CDH4: variants seen among roughly 807,000 people sequenced by gnomAD.
The protein encoded by CDH4 is cadherin 4.
In CDH4, 33 loss-of-function variants were observed where a neutral mutation model predicts 86.0. The ratio of observed to expected loss-of-function variants is 0.38; its 90% CI spans 0.29 to 0.51. CDH4 has a LOEUF of 0.51. Among genes scored for constraint, CDH4 ranks in the 20% least tolerant of loss-of-function variants. The pLI is 0.86. For synonymous variants in CDH4, 555 were observed against 549.4 expected, an observed-to-expected ratio of 1.01 and a Z score of -0.14; for missense variants, 1,114 against 1,307.4, an observed-to-expected ratio of 0.85 and a Z score of 2.28.
rs149213341 is a variant in CDH4, at chr20:61,518,983, T to TCACCCATCCATTCATCCTTC, written c.170-224578_170-224577insCCCATCCATTCATCCTTCCA. Among the ~76,000 whole-genome samples the TCACCCATCCATTCATCCTTC allele has an allele frequency of 0.073, 11,123 of 152,132 alleles. 487 individuals carry two copies. The highest frequency in any genetic ancestry group is 0.099 in the Non-Finnish European group (6,747 of 68,004). On this transcript the variant is annotated intron_variant, in intron 2 of 15. Transcript: ENST00000614565. The surrounding 1 kb of genome is among the most constrained non-coding windows in gnomAD (Gnocchi z 6.3). ...CATTATTTATCCATCCATCCATCCT[T>TCACCCATCCATTCATCCTTC]CATCCATCCATTCATCCATGCATTC...
intron 3 of CDH4, among the ~76,000 whole-genome samples, chr20:61,753,296 C>T (rs1387514595): frequency 6.6e-6 from 1 of 152,166 alleles, no homozygotes; most frequent in Non-Finnish European, 1.5e-5. Context: ...CAAGTGCCGC[C>T]TCCTCTGTCC....
At chr20:61,295,467 T>C (rs2123192059) in intron 2 of CDH4, among the ~76,000 whole-genome samples, 1 of 152,342 alleles carries the variant, frequency 6.6e-6, no homozygotes, top group South Asian at 2.1e-4. Context: ...GATGCAGTTG[T>C]GGATGTACAC....
intron 2 of CDH4, among the ~76,000 whole-genome samples, chr20:61,598,138 G>A (rs6061659): frequency 0.012 from 1,803 of 152,196 alleles, 23 homozygotes; most frequent in African/African-American, 0.031. Context: ...GTGACCCGCC[G>A]GGGACTTGCC....
intron 3 of CDH4, among the ~76,000 whole-genome samples, chr20:61,767,853 G>T (rs1281266221): frequency 6.6e-6 from 1 of 152,178 alleles, no homozygotes; most frequent in Non-Finnish European, 1.5e-5. Flanking sequence ...CACAGCCCAG[G>T]TCTCATCCTG....
At chr20:61,577,153 G>A (rs1005889526) in intron 2 of CDH4, among the ~76,000 whole-genome samples, 4 of 152,086 alleles carry the variant, frequency 2.6e-5, no homozygotes, top group African/African-American at 9.7e-5. Flanking sequence ...ATGAGTGGAT[G>A]TTTTGTGTGT....
At chr20:61,379,876 C>G (rs935871768) in intron 2 of CDH4, among the ~76,000 whole-genome samples, 1 of 152,206 alleles carries the variant, frequency 6.6e-6, no homozygotes, top group South Asian at 2.1e-4. Context: ...AAATAGGTAG[C>G]ATTGCTTAGA....
intron 7 of CDH4, among the ~76,000 whole-genome samples, chr20:61,882,653 G>A (rs1190626672): frequency 6.6e-6 from 1 of 152,096 alleles, no homozygotes; most frequent in Non-Finnish European, 1.5e-5. Context: ...ACTGTGTGCG[G>A]CTGTTTTCCC....
chr20:61,792,535 C>G (rs1381253004), intron 4 of CDH4, among the ~76,000 whole-genome samples: 1 of 152,158 alleles, frequency 6.6e-6, no homozygotes, highest in Non-Finnish European at 1.5e-5. Context: ...AGCAGGAAAT[C>G]AAATAAGGCC....
chr20:61,554,812 A>G (rs771022156), intron 2 of CDH4, among the ~76,000 whole-genome samples: 3 of 152,264 alleles, frequency 2.0e-5, no homozygotes, highest in African/African-American at 4.8e-5. Flanking sequence ...ATGTATGCAC[A>G]TGCGTGTGAG....
At chr20:61,365,347 G>A (rs908711948) in intron 2 of CDH4, among the ~76,000 whole-genome samples, 5 of 152,212 alleles carry the variant, frequency 3.3e-5, no homozygotes, top group Non-Finnish European at 7.3e-5. Context: ...GTTTGCAGAT[G>A]TCTGTTAGGA....
At chr20:61,346,134 G>A (rs1380396785) in intron 2 of CDH4, among the ~76,000 whole-genome samples, 1 of 152,168 alleles carries the variant, frequency 6.6e-6, no homozygotes, top group Non-Finnish European at 1.5e-5. Flanking sequence ...GGGGTGATGT[G>A]CAGTCAGGAC....
At chr20:61,495,230 T>C (rs1159855173) in intron 2 of CDH4, among the ~76,000 whole-genome samples, 1 of 152,254 alleles carries the variant, frequency 6.6e-6, no homozygotes, top group Admixed American at 6.5e-5. Context: ...GGCATGGTTC[T>C]GGACCTAGAC....
At chr20:61,793,330 C>CA (rs148250381) in intron 4 of CDH4, among the ~76,000 whole-genome samples, 16 of 151,032 alleles carry the variant, frequency 1.1e-4, no homozygotes, top group South Asian at 2.1e-4. Flanking sequence ...TTCTTGGCGA[C>CA]AAAAAAAACA....
intron 2 of CDH4, among the ~76,000 whole-genome samples, chr20:61,521,904 G>A (rs988169762): frequency 5.9e-5 from 9 of 152,190 alleles, no homozygotes; most frequent in African/African-American, 1.7e-4. Context: ...CAAGCATTGC[G>A]GGCCACCTTG....
chr20:61,874,897 C>T (rs965843651), intron 7 of CDH4, among the ~76,000 whole-genome samples: 1 of 152,236 alleles, frequency 6.6e-6, no homozygotes, highest in African/African-American at 2.4e-5. Context: ...CCAGAGGCCA[C>T]AGCGCCACTT....
rs2084995879 is a variant in CDH4, at chr20:61,393,107, C to G, written c.169+138170C>G. Reference sequence around the variant, plus strand: ...TACTGAATTGATTCCCACTGAATCTCTGTAGAAATATCCTCTTTATTATCT... The same window carrying G: ...TACTGAATTGATTCCCACTGAATCTGTGTAGAAATATCCTCTTTATTATCT... On this transcript the variant is annotated intron_variant, in intron 2 of 15. Coordinates refer to ENST00000614565, the MANE Select transcript of CDH4 (RefSeq NM_001794.5). The surrounding 1 kb of genome is among the most constrained non-coding windows in gnomAD (Gnocchi z 4.3). Among the ~76,000 whole-genome samples, 1 of 151,742 alleles carries G rather than the reference C, an allele frequency of 6.6e-6. No individual in the cohort carries two copies. Among genetic ancestry groups the G allele is most frequent in the Non-Finnish European group, 1.5e-5 (1 of 67,942 alleles).
chr20:61,256,867 G>A (rs2084101142), intron 2 of CDH4, among the ~76,000 whole-genome samples: 1 of 152,186 alleles, frequency 6.6e-6, no homozygotes, highest in African/African-American at 2.4e-5. Flanking sequence ...TCGTTCTTCT[G>A]AAGGTGTAGA....
At chr20:61,906,960 C>G (rs1001426256) in intron 8 of CDH4, among the ~76,000 whole-genome samples, 2 of 152,118 alleles carry the variant, frequency 1.3e-5, no homozygotes, top group African/African-American at 4.8e-5. Context: ...GCCTTGAGTC[C>G]TCCACCAGCC....
chr20:61,451,950 CACTTA>C (rs1230216800), intron 2 of CDH4, among the ~76,000 whole-genome samples: 2 of 152,230 alleles, frequency 1.3e-5, no homozygotes, highest in Non-Finnish European at 2.9e-5. Context: ...AATTGCCTAA[CACTTA>C]ACTTCACTTT....
Sources: allele counts gnomAD v4.1 joint callset (sites outside exome capture counted in the v4.1 genomes callset), GRCh38; gene constraint gnomAD v4.1.1; non-coding constraint Gnocchi (gnomAD v3.1); transcripts MANE v1.5; gene names NCBI Gene and HGNC (gene_info 2026-07-23, HGNC 2026-07-21).